The following NR1D1 variants were observed in gnomAD, a reference collection of about 807,000 sequenced individuals.
NR1D1 encodes the protein nuclear receptor subfamily 1 group D member 1.
NR1D1 carries 17 observed loss-of-function variants against 51.1 expected under a neutral mutation model. That is an observed-to-expected ratio of 0.33 (90% CI 0.23 to 0.50). NR1D1 has a LOEUF of 0.50. Among genes scored for constraint, NR1D1 ranks in the 20% least tolerant of loss-of-function variants. NR1D1 has a pLI of 0.98. For missense variants in NR1D1, 647 were observed against 830.4 expected (o/e 0.78, Z 2.71); for synonymous variants, 341 against 333.4 (o/e 1.02, Z -0.25).
In NR1D1 at chr17:40,097,291, A is replaced by G; in HGVS notation, c.144T>C (p.Cys48=). The G allele has an allele frequency of 6.2e-7, 1 of 1,613,966 alleles. No homozygotes were observed. Among genetic ancestry groups the G allele is most frequent in the Non-Finnish European group, 8.5e-7 (1 of 1,179,912 alleles). Residue 48 remains cysteine (C), a synonymous_variant, in exon 2 of 8, where the codon TGT becomes TGC. Coordinates refer to ENST00000246672, the MANE Select transcript of NR1D1 (RefSeq NM_021724.5). ...TGGGGGATGGTGGGAAGTAGGTGGGACAGCCTTGGGTCAGGGACTGGAAGC... is the reference window on the plus strand; with the variant it reads ...TGGGGGATGGTGGGAAGTAGGTGGGGCAGCCTTGGGTCAGGGACTGGAAGC... ...NGSFQSLTQG[C]PTYFPPSPTG...
rs1478362337 is a variant in NR1D1, at chr17:40,094,055, G to A, written c.1502C>T (p.Thr501Ile). Residue 501 changes from threonine (T) to isoleucine (I), a missense_variant, in exon 7 of 8, where the codon ACC becomes ATC. Physicochemically the swap from Thr to Ile is moderately conservative, Grantham distance 89 (BLOSUM62 -1). This residue lies in a region of NR1D1 where 155 missense variants were observed against 236.8 expected (regional missense o/e 0.65). Coordinates refer to ENST00000246672, the MANE Select transcript of NR1D1 (RefSeq NM_021724.5). ...KDQTVMFLSR[T>I]TYSLQELGAM... ...ACCAAGCTCCTGCAGGCTGTAGGTG[G>A]TGCGGCTTAGGAACATCACTGTCTG... The A allele has an allele frequency of 6.2e-7, 1 of 1,613,964 alleles. No homozygotes were observed. Among genetic ancestry groups the A allele is most frequent in the Non-Finnish European group, 8.5e-7 (1 of 1,180,056 alleles).
In NR1D1 at chr17:40,095,961, T is replaced by A. The variant is rs537481853; in HGVS notation, c.731A>T (p.His244Leu). The change falls in exon 5 of 8, where the codon CAC (histidine) becomes CTC (leucine). Residue 244 changes from histidine (H) to leucine (L), a missense_variant. Coordinates refer to ENST00000246672, the MANE Select transcript of NR1D1 (RefSeq NM_021724.5). ...GGGGCCCATGGGGCCTGGGGTGGGG[T>A]GCTGGGTGGGTGAAGTCTCCAGCGG... ...QCPLETSPTQ[H>L]PTPGPMGPSP... 1.2e-6 allele frequency: 2 copies of A among 1,611,622 alleles called. No homozygotes were observed. The highest frequency in any genetic ancestry group is 4.5e-5 in the East Asian group (2 of 44,852).
intron 3 of NR1D1, 33 bp downstream of exon 3, chr17:40,096,658 C>A: frequency 1.2e-6 from 2 of 1,613,834 alleles, no homozygotes; most frequent in Non-Finnish European, 1.7e-6. Context: ...GAGGGGGCCA[C>A]CTGCCCCTGC....
At chr17:40,098,834 C>A (rs890336079) in intron 1 of NR1D1, among the ~76,000 whole-genome samples, 1 of 152,078 alleles carries the variant, frequency 6.6e-6, no homozygotes, top group Non-Finnish European at 1.5e-5. Context: ...GCTTGGGGAA[C>A]AGGAATTTGT....
rs776085661 is a variant in NR1D1 at position 40,094,047 on chromosome 17, T to A, written c.1510A>T (p.Ser504Cys). The change falls in exon 7 of 8, where the codon AGC (serine) becomes TGC (cysteine). Residue 504 changes from serine (S) to cysteine (C), a missense_variant. Physicochemically the swap from Ser to Cys is moderately radical, Grantham distance 112. Around this residue, in one of 7 missense-constraint regions of NR1D1, gnomAD observed 155 missense variants for 236.8 expected, o/e 0.65. Transcript: ENST00000246672. The part of the protein sequence containing the change: ...TVMFLSRTTY[S>C]LQELGAMGMG... ...CCCATGGCACCAAGCTCCTGCAGGC[T>A]GTAGGTGGTGCGGCTTAGGAACATC... 2 of 1,614,052 alleles carry A rather than the reference T, an allele frequency of 1.2e-6. No individual in the cohort carries two copies. The highest frequency in any genetic ancestry group is 1.7e-6 in the Non-Finnish European group (2 of 1,180,020).
At position 40,095,524 on chromosome 17, in the gene NR1D1, G is replaced by A; in HGVS notation, c.1168C>T (p.Pro390Ser). The A allele has an allele frequency of 6.3e-7, 1 of 1,596,162 alleles. No homozygotes were observed. Among genetic ancestry groups the A allele is most frequent in the East Asian group, 2.2e-5 (1 of 44,674 alleles). The change falls in exon 5 of 8, where the codon CCC becomes TCC. Residue 390 changes from proline to serine, a missense_variant. Pro to Ser is a moderately conservative substitution (Grantham distance 74). This residue lies in a region of NR1D1 where 185 missense variants were observed against 176.3 expected (regional missense o/e 1.05). Transcript: ENST00000246672. ...TCTGGGGCTGCATACACGTGGGTGG[G>A]GCATAGACGGTGCCCGTTGCTGTTG... ...QSNSNGHRLC[P>S]THVYAAPEGK...
chr17:40,097,195 G>T lies in NR1D1; in HGVS notation c.240C>A (p.Ser80=), dbSNP rs1275079336. The T allele has an allele frequency of 8.7e-6, 14 of 1,611,626 alleles. No homozygotes were observed. The highest frequency in any genetic ancestry group is 1.2e-5 in the Non-Finnish European group (14 of 1,178,402). Residue 80 remains serine (S), a synonymous_variant, in exon 2 of 8, where the codon TCC becomes TCA. Coordinates refer to ENST00000246672, the MANE Select transcript of NR1D1 (RefSeq NM_021724.5). ...SIPPSLSDDG[S]PSSSSSSSSS... Reference sequence around the variant, plus strand: ...ACGACGAGGAAGATGAGGAAGAAGGGGAGCCGTCATCACTCAGGCTGGGTG... The same window carrying T: ...ACGACGAGGAAGATGAGGAAGAAGGTGAGCCGTCATCACTCAGGCTGGGTG...
Position 40,095,648 on chromosome 17 carries a change from G to C in NR1D1, c.1044C>G (p.Ala348=). 3 of 1,612,364 alleles carry C rather than the reference G, an allele frequency of 1.9e-6. No homozygotes were observed. The highest frequency in any genetic ancestry group is 2.5e-6 in the Non-Finnish European group (3 of 1,178,844). ...PAPNDNNTLA[A]QRHNEALNGL... Reference sequence around the variant, plus strand: ...CATTTAGGGCCTCGTTATGACGCTGGGCAGCCAAGGTGTTGTTGTCATTGG... The same window carrying C: ...CATTTAGGGCCTCGTTATGACGCTGCGCAGCCAAGGTGTTGTTGTCATTGG... Residue 348 remains alanine, a synonymous_variant, in exon 5 of 8, where the codon GCC becomes GCG. Coordinates refer to ENST00000246672, the MANE Select transcript of NR1D1 (RefSeq NM_021724.5).
rs1295315490 is a variant in NR1D1 at position 40,094,113 on chromosome 17, C to A, written c.1444G>T (p.Val482Leu). 5.6e-6 allele frequency: 9 copies of A among 1,613,800 alleles called. No homozygotes were observed. The highest frequency in any genetic ancestry group is 7.6e-6 in the Non-Finnish European group (9 of 1,180,022). The change falls in exon 7 of 8, where the codon GTG (valine) becomes TTG (leucine). Residue 482 changes from valine (V) to leucine (L), a missense_variant. Physicochemically the swap from Val to Leu is conservative, Grantham distance 32. Transcript: ENST00000246672. ...LKAGTFEVLM[V>L]RFASLFNVKD... Reference sequence around the variant, plus strand: ...ACGTTGAACAACGAAGCAAAGCGCACCATCAGCACCTAGGAGGGAAGGGGA... The same window carrying A: ...ACGTTGAACAACGAAGCAAAGCGCAACATCAGCACCTAGGAGGGAAGGGGA...
chr17:40,094,488 G>A (rs1168154841), intron 6 of NR1D1, among the ~76,000 whole-genome samples: 4 of 152,210 alleles, frequency 2.6e-5, no homozygotes, highest in Non-Finnish European at 4.4e-5. Flanking sequence ...AGCAGGAGCC[G>A]CTCAGCCCCT....
At position 40,096,564 on chromosome 17, in the gene NR1D1, C is replaced by T. The variant is rs1987766948; in HGVS notation, c.483G>A (p.Gln161=). 1 of 1,614,084 alleles carries T rather than the reference C, an allele frequency of 6.2e-7. No individual in the cohort carries two copies. The highest frequency in any genetic ancestry group is 1.7e-5 in the Admixed American group (1 of 60,010). ...GCKGFFRRSI[Q]QNIQYKRCLK... is the part of the protein sequence containing the mutation. ...GACACCTTTTGTACTGGATGTTCTGCTGGATGCTCCGACGGAAAAAGCCCT... is the reference window on the plus strand; with the variant it reads ...GACACCTTTTGTACTGGATGTTCTGTTGGATGCTCCGACGGAAAAAGCCCT... The change falls in exon 4 of 8, where the codon CAG becomes CAA. Residue 161 remains glutamine, a synonymous_variant. Transcript: ENST00000246672.
chr17:40,100,059 A>G lies in NR1D1; in HGVS notation c.31+5T>C. 1 of 1,601,596 alleles carries G rather than the reference A, an allele frequency of 6.2e-7. No homozygotes were observed. The highest frequency in any genetic ancestry group is 8.6e-7 in the Non-Finnish European group (1 of 1,168,508). On this transcript the variant is annotated splice_donor_5th_base_variant and intron_variant, in intron 1 of 7. Transcript: ENST00000246672. ...GAAAAGATGATAGTAAAGAAATCTC[A>G]GTACCTGTGTTGTTGTTGGAGTCCA...
At chr17:40,094,880 A>G in intron 6 of NR1D1, 55 bp downstream of exon 6, 6 of 1,570,332 alleles carry the variant, frequency 3.8e-6, no homozygotes, top group African/African-American at 1.3e-5. Context: ...CCTGGGCGAC[A>G]AGCGAAACTC....
Position 40,093,230 on chromosome 17 carries a change from C to T in NR1D1, c.1698G>A (p.Leu566=). The change falls in exon 8 of 8, where the codon CTG becomes CTA. Residue 566 remains leucine (L), a synonymous_variant. Coordinates refer to ENST00000246672, the MANE Select transcript of NR1D1 (RefSeq NM_021724.5). The surrounding 1 kb of genome is among the most constrained non-coding windows in gnomAD (Gnocchi z 5.9). ...SASVEQLQET[L]LRALRALVLK... The stretch of plus-strand genomic sequence containing the variant: ...GCACCAGAGCCCGAAGAGCCCGCAG[C>T]AGCGTCTCCTGGAGCTGCTCCACCG... The T allele has an allele frequency of 6.2e-7, 1 of 1,613,712 alleles. No individual in the cohort carries two copies. Among genetic ancestry groups the T allele is most frequent in the South Asian group, 1.1e-5 (1 of 91,084 alleles).
chr17:40,094,272 G>C, intron 6 of NR1D1, 150 bp from the exon 7 acceptor site: 1 of 675,942 alleles, frequency 1.5e-6, no homozygotes, highest in South Asian at 1.8e-5. Context: ...GGGAGCCCAG[G>C]TGGAAGGATG....
Position 40,095,015 on chromosome 17 carries a change from C to G in NR1D1, c.1354G>C (p.Glu452Gln). The G allele has an allele frequency of 6.2e-7, 1 of 1,614,196 alleles. No homozygotes were observed. Among genetic ancestry groups the G allele is most frequent in the Non-Finnish European group, 8.5e-7 (1 of 1,180,048 alleles). ...AAGCCCGGGATGTGTTTGGCAAACT[C>G]TACCACCTCCCGCACAGCGGGCGTG... is the stretch of plus-strand genomic sequence containing the variant. Reference protein sequence around the residue: ...SFTPAVREVVEFAKHIPGFRD... With the variant: ...SFTPAVREVVQFAKHIPGFRD... The change falls in exon 6 of 8, where the codon GAG becomes CAG. Residue 452 changes from glutamate to glutamine, a missense_variant. Physicochemically the swap from Glu to Gln is conservative, Grantham distance 29. Transcript: ENST00000246672.
chr17:40,096,643 A>G (rs201902312), intron 3 of NR1D1, 48 bp downstream of exon 3: 10 of 1,613,792 alleles, frequency 6.2e-6, no homozygotes, highest in Non-Finnish European at 8.5e-6. Flanking sequence ...CTCTGTGTCC[A>G]GGGGGAGGGG....
At position 40,093,030 on chromosome 17, in the gene NR1D1, T is replaced by C; in HGVS notation, c.*53A>G. 6.2e-7 allele frequency: 1 copy of C among 1,612,866 alleles called. No homozygotes were observed. Among genetic ancestry groups the C allele is most frequent in the Non-Finnish European group, 8.5e-7 (1 of 1,178,976 alleles). ...TTTCGTCTCGTAAAGGAGAGAGAAG[T>C]GCAGAGTTCGATTCTGTACAAGGGG... On this transcript the variant is annotated 3_prime_UTR_variant, in exon 8 of 8. Coordinates refer to ENST00000246672, the MANE Select transcript of NR1D1 (RefSeq NM_021724.5). This position sits in a 1 kb window ranked among gnomAD's most constrained non-coding sequence, Gnocchi z 5.9.
At chr17:40,096,410 A>C (rs1567660394) in intron 4 of NR1D1, 33 bp downstream of exon 4, 9 of 1,613,456 alleles carry the variant, frequency 5.6e-6, no homozygotes, top group Non-Finnish European at 7.6e-6. Context: ...TTTGGGCGGA[A>C]GAAGGGGGGA....
Sources: gnomAD v4.1 joint callset for allele counts (sites outside exome capture counted in the v4.1 genomes callset) on GRCh38, gnomAD v4.1.1 for gene constraint, gnomAD v4.1.1 regional missense constraint, Gnocchi (gnomAD v3.1) non-coding constraint, MANE v1.5 for transcripts, NCBI Gene and HGNC (gene_info 2026-07-23, HGNC 2026-07-21) for gene names.